TFIP11: variants seen among roughly 807,000 people sequenced by gnomAD.
TFIP11 encodes the protein tuftelin interacting protein 11.
In TFIP11, 86 loss-of-function variants were observed where a neutral mutation model predicts 96.8. That is an observed-to-expected ratio of 0.89 (90% CI 0.75 to 1.06). TFIP11 has a LOEUF of 1.06. Ranked by LOEUF, TFIP11 falls within the 50% of genes least tolerant of loss-of-function variation. The pLI is 0.00. For missense variants in TFIP11, 881 were observed against 1,076.7 expected (o/e 0.82, Z 2.54); for synonymous variants, 405 against 395.2 (o/e 1.02, Z -0.29).
intron 10 of TFIP11, among the ~76,000 whole-genome samples, chr22:26,497,874 CAA>C (rs35461044): frequency 1.0e-3 from 89 of 89,146 alleles, no homozygotes; most frequent in Middle Eastern, 6.8e-3. Flanking sequence ...GACTTCATCT[CAA>C]AAAAAAAAAA....
At chr22:26,506,091 C>T in intron 6 of TFIP11, 1 of 482,460 alleles carries the variant, frequency 2.1e-6, no homozygotes, top group Non-Finnish European at 3.5e-6. Context: ...TGTTTTAGAC[C>T]CTAACCCTTT....
chr22:26,502,516 AGAG>A (rs1922920048), intron 7 of TFIP11, among the ~76,000 whole-genome samples: 1 of 152,216 alleles, frequency 6.6e-6, no homozygotes, highest in Non-Finnish European at 1.5e-5. Context: ...AAACCTTTCT[AGAG>A]GAGGAGCTAA....
chr22:26,499,304 G>A lies in TFIP11; in HGVS notation c.1129C>T (p.Leu377=), dbSNP rs987272500. 2.5e-6 allele frequency: 4 copies of A among 1,613,964 alleles called. No individual in the cohort carries two copies. In the African/African-American group the frequency reaches 4.0e-5, roughly 16 times the overall value. ...CGCTCGCACTCCTCCACCATCTCCA[G>A]GACCTTGCTGAGGTTCGAGATGACC... The part of the protein sequence containing the change: ...ERVISNLSKV[L]EMVEECERRM... Residue 377 remains leucine, a synonymous_variant, in exon 9 of 15, where the codon CTG becomes TTG. Coordinates refer to ENST00000407690, the MANE Select transcript of TFIP11 (RefSeq NM_012143.4).
chr22:26,496,943 G>C lies in TFIP11; in HGVS notation c.1437-54C>G. ...GTTAATTACACTGACTGGTTTCAAA[G>C]TACACCACCACCACCTGCCTCTCTA... is the stretch of plus-strand genomic sequence containing the variant. On this transcript the variant is annotated intron_variant, in intron 10 of 14. Coordinates refer to ENST00000407690, the MANE Select transcript of TFIP11 (RefSeq NM_012143.4). The C allele has an allele frequency of 1.9e-6, 3 of 1,586,132 alleles. No individual in the cohort carries two copies. The South Asian group carries it at 3.4e-5, about 18-fold the overall frequency.
intron 12 of TFIP11, 22 bp downstream of exon 12, chr22:26,496,051 A>G (rs1380645654): frequency 6.2e-7 from 1 of 1,607,738 alleles, no homozygotes; most frequent in Non-Finnish European, 8.5e-7. Context: ...TGGGCTTGGA[A>G]TGCATTTCCC....
intron 11 of TFIP11, 134 bp from the exon 12 acceptor site, chr22:26,496,450 C>T: frequency 8.1e-7 from 1 of 1,235,800 alleles, no homozygotes; most frequent in South Asian, 1.6e-5. Flanking sequence ...TTGTACATTG[C>T]CAAACAAATA....
Position 26,499,169 on chromosome 22 carries a change from C to T in TFIP11, c.1264G>A (p.Asp422Asn). 6.2e-7 allele frequency: 1 copy of T among 1,608,164 alleles called. No homozygotes were observed. The highest frequency in any genetic ancestry group is 1.1e-5 in the South Asian group (1 of 90,120). Residue 422 changes from aspartate to asparagine, a missense_variant, in exon 9 of 15, where the codon GAC becomes AAC. Physicochemically the swap from Asp to Asn is conservative, Grantham distance 23. Transcript: ENST00000407690. ...GGATAGACGATGGCCACAGCAAGGTCCACACGGTCGGACATCCTGTACTCC... is the reference window on the plus strand; with the variant it reads ...GGATAGACGATGGCCACAGCAAGGTTCACACGGTCGGACATCCTGTACTCC... The part of the protein sequence containing the change: ...YEEYRMSDRV[D>N]LAVAIVYPLM...
At chr22:26,501,649 A>AGAGT (rs967336882) in intron 8 of TFIP11, among the ~76,000 whole-genome samples, 2 of 151,238 alleles carry the variant, frequency 1.3e-5, no homozygotes, top group Non-Finnish European at 1.5e-5. Context: ...AGTGCCGTGA[A>AGAGT]GAGTGCCTAG....
chr22:26,509,437 C>T (rs577702563), intron 4 of TFIP11, among the ~76,000 whole-genome samples: 5 of 152,340 alleles, frequency 3.3e-5, no homozygotes, highest in African/African-American at 1.2e-4. Context: ...GCATCACAGT[C>T]ACAAGTTTGA....
Position 26,506,382 on chromosome 22 carries a change from T to C in TFIP11, c.441A>G (p.Arg147=), listed in dbSNP as rs1690081266. The C allele has an allele frequency of 1.2e-6, 2 of 1,613,958 alleles. No homozygotes were observed. Among genetic ancestry groups the C allele is most frequent in the Non-Finnish European group, 1.7e-6 (2 of 1,179,932 alleles). Residue 147 remains arginine, a synonymous_variant, in exon 6 of 15, where the codon AGA becomes AGG. Transcript: ENST00000407690. ...KSFMDFGSWE[R]HTKGIGQKLL... is the part of the protein sequence containing the mutation. ...GCTTCTGTCCAATTCCTTTTGTGTGTCTTTCCCAGCTGCCGAAGTCCATGA... is the reference window on the plus strand; with the variant it reads ...GCTTCTGTCCAATTCCTTTTGTGTGCCTTTCCCAGCTGCCGAAGTCCATGA...
At position 26,500,528 on chromosome 22, in the gene TFIP11, C is replaced by G. The variant is rs573086117; in HGVS notation, c.802-897G>C. 3.3e-5 allele frequency among the ~76,000 whole-genome samples: 5 copies of G among 152,194 alleles called. No homozygotes were observed. The East Asian group carries it at 9.7e-4, about 29-fold the overall frequency. On this transcript the variant is annotated intron_variant, in intron 8 of 14. Coordinates refer to ENST00000407690, the MANE Select transcript of TFIP11 (RefSeq NM_012143.4). ...GCTAACTGAACAAAGGCAACCTAGACAATGAGCTAATTCCAATATTTTAGG... is the reference window on the plus strand; with the variant it reads ...GCTAACTGAACAAAGGCAACCTAGAGAATGAGCTAATTCCAATATTTTAGG...
chr22:26,503,753 T>A lies in TFIP11; in HGVS notation c.561A>T (p.Lys187Asn). Residue 187 changes from lysine to asparagine, a missense_variant, in exon 7 of 15, where the codon AAA becomes AAT. Coordinates refer to ENST00000407690, the MANE Select transcript of TFIP11 (RefSeq NM_012143.4). ...NPIEAKQRKGKGAVGAYGSER... is the reference protein window; with the variant it reads ...NPIEAKQRKGNGAVGAYGSER... Reference sequence around the variant, plus strand: ...CGGATCCATAAGCCCCCACAGCACCTTTTCCCTTTCTCTGCTTGGCTTCAA... The same window carrying A: ...CGGATCCATAAGCCCCCACAGCACCATTTCCCTTTCTCTGCTTGGCTTCAA... 2 of 1,613,660 alleles carry A rather than the reference T, an allele frequency of 1.2e-6. No homozygotes were observed. Among genetic ancestry groups the A allele is most frequent in the Non-Finnish European group, 1.7e-6 (2 of 1,179,832 alleles).
intron 12 of TFIP11, 135 bp from the exon 13 acceptor site, chr22:26,495,074 G>T: frequency 1.7e-6 from 2 of 1,181,312 alleles, no homozygotes; most frequent in Non-Finnish European, 2.4e-6. Flanking sequence ...TGACTCTTGT[G>T]CCTCAGCCTC....
chr22:26,507,664 A>G (rs1923585315), intron 4 of TFIP11, among the ~76,000 whole-genome samples: 3 of 151,682 alleles, frequency 2.0e-5, no homozygotes, highest in African/African-American at 4.8e-5. Flanking sequence ...AAATTACACT[A>G]AAGTCCCCTA....
intron 10 of TFIP11, among the ~76,000 whole-genome samples, chr22:26,497,874 CAAAAAAAAA>C (rs35461044): frequency 1.1e-5 from 1 of 89,168 alleles, no homozygotes; most frequent in Non-Finnish European, 2.1e-5. Context: ...GACTTCATCT[CAAAAAAAAA>C]AAAAAAAAAA....
chr22:26,495,987 G>C, intron 12 of TFIP11, 86 bp downstream of exon 12: 5 of 1,528,644 alleles, frequency 3.3e-6, no homozygotes, highest in Non-Finnish European at 4.4e-6. Context: ...TGAACATAAA[G>C]GCGATGCTTT....
Position 26,499,338 on chromosome 22 carries a change from G to C in TFIP11, c.1095C>G (p.His365Gln). Residue 365 changes from histidine to glutamine, a missense_variant, in exon 9 of 15, where the codon CAC becomes CAG. His to Gln is a conservative substitution (Grantham distance 24). Coordinates refer to ENST00000407690, the MANE Select transcript of TFIP11 (RefSeq NM_012143.4). ...ELEKMTEVLD[H>Q]EERVISNLSK... ...TGAGGTTCGAGATGACCCGCTCCTC[G>C]TGGTCCAGGACCTCGGTCATCTTCT... 6.2e-7 allele frequency: 1 copy of C among 1,614,116 alleles called. No individual in the cohort carries two copies. The highest frequency in any genetic ancestry group is 8.5e-7 in the Non-Finnish European group (1 of 1,180,016).
In TFIP11 at chr22:26,496,055, A is replaced by G; in HGVS notation, c.1849+18T>C. 1.6e-5 allele frequency: 25 copies of G among 1,610,338 alleles called. No homozygotes were observed. The highest frequency in any genetic ancestry group is 2.1e-5 in the Non-Finnish European group (25 of 1,177,648). On this transcript the variant is annotated intron_variant, in intron 12 of 14. Coordinates refer to ENST00000407690, the MANE Select transcript of TFIP11 (RefSeq NM_012143.4). ...ACCAAAGCTGCTGGGCTTGGAATGC[A>G]TTTCCCCTTATCCTTACCCAGCTTG...
chr22:26,494,448 G>A, intron 13 of TFIP11, 144 bp from the exon 14 acceptor site: 1 of 995,696 alleles, frequency 1.0e-6, no homozygotes. Context: ...AAACAGTCTA[G>A]CACTTATGAA....
Sources: gnomAD v4.1 joint callset for allele counts (sites outside exome capture counted in the v4.1 genomes callset) on GRCh38, gnomAD v4.1.1 for gene constraint, MANE v1.5 for transcripts, NCBI Gene and HGNC (gene_info 2026-07-23, HGNC 2026-07-21) for gene names.